NCAPD3: variants seen among roughly 807,000 people sequenced by gnomAD.
The protein encoded by NCAPD3 is non-SMC condensin II complex subunit D3.
A neutral mutation model predicts 182.9 loss-of-function variants in NCAPD3; 105 were observed. The ratio of observed to expected loss-of-function variants is 0.57; its 90% confidence interval spans 0.49 to 0.68. The LOEUF is 0.68. NCAPD3 is among the 30% of genes least tolerant of loss of function. The probability of loss-of-function intolerance (pLI) is 0.00; values close to 1 mark genes in which losing one functional copy is unlikely to be tolerated. For missense variants in NCAPD3, 1,944 were observed against 1,837.0 expected, an observed-to-expected ratio of 1.06 and a Z score of -1.07; for synonymous variants, 815 against 679.9, an observed-to-expected ratio of 1.20 and a Z score of -3.09.
At chr11:134,208,389 C>T (rs1937698097) in intron 7 of NCAPD3, among the ~76,000 whole-genome samples, 2 of 152,158 alleles carry the variant, frequency 1.3e-5, no homozygotes, top group East Asian at 1.9e-4. Flanking sequence ...GGGTGACAAC[C>T]TACAAAATTT....
chr11:134,217,150 T>C, intron 2 of NCAPD3, 52 bp from the exon 3 acceptor site: 1 of 1,449,628 alleles, frequency 6.9e-7, no homozygotes, highest in East Asian at 2.5e-5. Context: ...AATGGAAACA[T>C]TTCCTATTAT....
rs1943268390 is a variant in NCAPD3 at position 134,152,380 on chromosome 11, T to G, written c.*564A>C. The G allele has an allele frequency of 2.6e-5, 4 of 152,208 alleles. No homozygotes were observed. The highest frequency in any genetic ancestry group is 2.6e-4 in the Admixed American group (4 of 15,282). The allele number at this position is 152,208 out of a possible 1,614,324, so 9.4% of individuals were successfully genotyped here. A position where few individuals can be genotyped will look rare whatever the true frequency, so the allele number is the denominator to read the frequency against. ...ACAAACAAACATGCTTTATGTAAAA[T>G]TAAAATGATTACCAATAAGAGCTCT... On this transcript the variant is annotated 3_prime_UTR_variant, in exon 35 of 35. Transcript: ENST00000534548.
upstream of NCAPD3, chr11:134,224,031 C>T (rs1565564055): frequency 1.4e-6 from 2 of 1,380,998 alleles, no homozygotes; most frequent in Non-Finnish European, 2.0e-6. Flanking sequence ...ACAGAATTTC[C>T]CACTGGCCAA....
In NCAPD3 at chr11:134,209,216, A is replaced by G. The variant is rs934146404; in HGVS notation, c.733-10T>C. The G allele has an allele frequency of 1.2e-6, 2 of 1,612,306 alleles. No homozygotes were observed. The highest frequency in any genetic ancestry group is 1.7e-6 in the Non-Finnish European group (2 of 1,179,188). Reference sequence around the variant, plus strand: ...TTAATGAAACAAAGACCTAGAAAACAGATATGAAGAAAAGGCCTGATTTTT... The same window carrying G: ...TTAATGAAACAAAGACCTAGAAAACGGATATGAAGAAAAGGCCTGATTTTT... On this transcript the variant is annotated splice_polypyrimidine_tract_variant and intron_variant, in intron 5 of 34. Coordinates refer to ENST00000534548, the MANE Select transcript of NCAPD3 (RefSeq NM_015261.3).
At chr11:134,220,890 A>G (rs1938203986) in intron 1 of NCAPD3, among the ~76,000 whole-genome samples, 164 bp from the exon 2 acceptor site, 1 of 152,236 alleles carries the variant, frequency 6.6e-6, no homozygotes, top group Non-Finnish European at 1.5e-5. Flanking sequence ...AAAACCAGAA[A>G]AGGTTAAGAG....
intron 32 of NCAPD3, among the ~76,000 whole-genome samples, chr11:134,154,249 T>C (rs952823649): frequency 1.3e-5 from 2 of 152,152 alleles, no homozygotes; most frequent in East Asian, 1.9e-4. Flanking sequence ...CATCCCTGCA[T>C]CACTGGAGTT....
chr11:134,171,740 G>A (rs148862451), intron 24 of NCAPD3, among the ~76,000 whole-genome samples: 9 of 152,082 alleles, frequency 5.9e-5, no homozygotes, highest in African/African-American at 1.7e-4. Flanking sequence ...CAGGTTCCAC[G>A]GTGAATCAGG....
intron 3 of NCAPD3, 50 bp downstream of exon 3, chr11:134,216,886 G>A (rs538021441): frequency 6.6e-7 from 1 of 1,526,178 alleles, no homozygotes. Context: ...GAAAACTGTA[G>A]AAAGAAAAAA....
intron 16 of NCAPD3, 80 bp from the exon 17 acceptor site, chr11:134,185,606 G>T (rs1944388189): frequency 1.7e-6 from 2 of 1,196,266 alleles, no homozygotes; most frequent in Non-Finnish European, 2.3e-6. Flanking sequence ...CACTGAAAGG[G>T]TATCAACTTC....
Position 134,152,873 on chromosome 11 carries a change from C to T in NCAPD3, c.*71G>A, listed in dbSNP as rs1037937973. 1.3e-5 allele frequency: 16 copies of T among 1,258,030 alleles called. No individual in the cohort carries two copies. Among genetic ancestry groups the T allele is most frequent in the Non-Finnish European group, 1.7e-5 (15 of 901,498 alleles). The allele number at this position is 1,258,030 out of a possible 1,614,324, so 77.9% of individuals were successfully genotyped here. ...GGACTGCGGGAAGTGATCCAGCTGC[C>T]TTCACACGGAGGACACGAGACTGCT... On this transcript the variant is annotated 3_prime_UTR_variant, in exon 35 of 35. Coordinates refer to ENST00000534548, the MANE Select transcript of NCAPD3 (RefSeq NM_015261.3).
chr11:134,216,926 G>GT lies in NCAPD3; in HGVS notation c.382+9dup, dbSNP rs1274489870. On this transcript the variant is annotated intron_variant, in intron 3 of 34. Coordinates refer to ENST00000534548, the MANE Select transcript of NCAPD3 (RefSeq NM_015261.3). ...CAGAAGATTTATCCTATCATATCAG[G>GT]TCTACATACCTGGTACTTCTAGTAG... 2 of 1,600,684 alleles carry GT rather than the reference G, an allele frequency of 1.2e-6. No individual in the cohort carries two copies. The highest frequency in any genetic ancestry group is 1.7e-6 in the Non-Finnish European group (2 of 1,175,620).
At chr11:134,176,790 G>A (rs1187135281) in intron 23 of NCAPD3, among the ~76,000 whole-genome samples, 1 of 152,190 alleles carries the variant, frequency 6.6e-6, no homozygotes, top group East Asian at 1.9e-4. Flanking sequence ...AGTTCACTAG[G>A]TTTTTCCGCA....
chr11:134,224,113 G>C (rs572681025), upstream of NCAPD3: 4 of 701,768 alleles, frequency 5.7e-6, no homozygotes, highest in Admixed American at 1.1e-4. Context: ...AGAGAACTGG[G>C]CGGGCCGAAA....
At chr11:134,175,483 A>C (rs761126126) in intron 24 of NCAPD3, among the ~76,000 whole-genome samples, 10 of 152,178 alleles carry the variant, frequency 6.6e-5, no homozygotes, top group Non-Finnish European at 1.5e-4. Context: ...GGAAAATCAC[A>C]CCTAAAGAAA....
intron 7 of NCAPD3, among the ~76,000 whole-genome samples, chr11:134,207,758 A>C (rs1352185250): frequency 1.3e-5 from 2 of 151,756 alleles, no homozygotes; most frequent in Non-Finnish European, 2.9e-5. Flanking sequence ...AAAAAAAAAA[A>C]AAAAAAAAAC....
intron 20 of NCAPD3, among the ~76,000 whole-genome samples, chr11:134,180,273 C>T (rs944484294): frequency 6.6e-6 from 1 of 152,046 alleles, no homozygotes; most frequent in Non-Finnish European, 1.5e-5. Flanking sequence ...GGTCGGTGAT[C>T]ACTGGGCGTT....
intron 23 of NCAPD3, 104 bp downstream of exon 23, chr11:134,177,115 T>C: frequency 1.2e-6 from 1 of 858,388 alleles, no homozygotes; most frequent in Non-Finnish European, 1.9e-6. Flanking sequence ...CAATTATTTT[T>C]GGATTCTACT....
chr11:134,164,355 G>A (rs769858613), intron 27 of NCAPD3, among the ~76,000 whole-genome samples: 4 of 152,230 alleles, frequency 2.6e-5, no homozygotes, highest in Non-Finnish European at 5.9e-5. Flanking sequence ...GAGACACCCG[G>A]AGCACGTCCT....
chr11:134,217,011 T>A lies in NCAPD3; in HGVS notation c.307A>T (p.Lys103Ter). ...FYHFVQIVHK[K>*]NVSVQYREYG... Reference sequence around the variant, plus strand: ...TCTCGATACTGTACACTGACATTCTTCTTATGAACTATTTGAACAAAATGA... The same window carrying A: ...TCTCGATACTGTACACTGACATTCTACTTATGAACTATTTGAACAAAATGA... The change falls in exon 3 of 35, where the codon AAG becomes TAG. Residue 103 changes from lysine (K) to a stop codon, truncating the protein, a stop_gained. Transcript: ENST00000534548. LOFTEE classifies it high-confidence loss of function. 1 of 1,614,080 alleles carries A rather than the reference T, an allele frequency of 6.2e-7. No homozygotes were observed. Among genetic ancestry groups the A allele is most frequent in the Non-Finnish European group, 8.5e-7 (1 of 1,179,986 alleles).
Sources: gnomAD v4.1 joint callset for allele counts (sites outside exome capture counted in the v4.1 genomes callset) on GRCh38, gnomAD v4.1.1 for gene constraint, MANE v1.5 for transcripts, NCBI Gene and HGNC (gene_info 2026-07-23, HGNC 2026-07-21) for gene names.